PARD3B: variants seen among roughly 807,000 people sequenced by gnomAD.
PARD3B encodes par-3 family cell polarity regulator beta.
PARD3B carries 103 observed loss-of-function variants against 130.2 expected under a neutral mutation model. That is an observed-to-expected ratio of 0.79 (90% CI 0.67 to 0.93). PARD3B has a LOEUF of 0.93. PARD3B is among the 40% of genes least tolerant of loss of function. The probability of loss-of-function intolerance (pLI) is 0.00; values close to 1 mark genes in which losing one functional copy is unlikely to be tolerated. For synonymous variants in PARD3B, 583 were observed against 553.2 expected (o/e 1.05, Z -0.76); for missense variants, 1,609 against 1,499.2 (o/e 1.07, Z -1.21).
chr2:205,332,090 G>A (rs1559671094), intron 18 of PARD3B, among the ~76,000 whole-genome samples: 1 of 152,036 alleles, frequency 6.6e-6, no homozygotes, highest in Admixed American at 6.6e-5. Flanking sequence ...GGGTGACAGT[G>A]CCAGACTCGG....
chr2:205,047,443 A>G (rs1362948743), intron 3 of PARD3B, 138 bp from the exon 4 acceptor site: 3 of 565,100 alleles, frequency 5.3e-6, no homozygotes, highest in Non-Finnish European at 3.1e-6. Flanking sequence ...TAAATGGATT[A>G]ATTTACAAGC....
intron 2 of PARD3B, among the ~76,000 whole-genome samples, chr2:204,736,875 A>G (rs1226234735): frequency 1.3e-5 from 2 of 152,176 alleles, no homozygotes; most frequent in Non-Finnish European, 2.9e-5. Context: ...TAGAGGTTGT[A>G]CTAATTTACA....
Position 205,525,438 on chromosome 2 carries a change from T to A in PARD3B, c.3180+25407T>A, listed in dbSNP as rs1176712531. On this transcript the variant is annotated intron_variant, in intron 21 of 22. Coordinates refer to ENST00000406610, the MANE Select transcript of PARD3B (RefSeq NM_001302769.2). The surrounding 1 kb of genome is among the most constrained non-coding windows in gnomAD (Gnocchi z 4.2). ...GAAGATGTAAAAAATAATTACAATATAATGCTGGGTGTTATGTATGCACAG... is the reference window on the plus strand; with the variant it reads ...GAAGATGTAAAAAATAATTACAATAAAATGCTGGGTGTTATGTATGCACAG... Among the ~76,000 whole-genome samples, 2 of 152,194 alleles carry A rather than the reference T, an allele frequency of 1.3e-5. No homozygotes were observed. The highest frequency in any genetic ancestry group is 4.8e-5 in the African/African-American group (2 of 41,456).
chr2:205,432,224 C>A (rs1254506127), intron 19 of PARD3B, among the ~76,000 whole-genome samples: 2 of 152,210 alleles, frequency 1.3e-5, no homozygotes, highest in Middle Eastern at 3.2e-3. Context: ...CACCTTCCCT[C>A]ACCTGGCTTA....
chr2:205,126,793 A>G (rs2031480661), intron 10 of PARD3B, among the ~76,000 whole-genome samples: 1 of 148,070 alleles, frequency 6.8e-6, no homozygotes, highest in South Asian at 2.1e-4. Context: ...AAAAATTGAT[A>G]ATAGCATGAG....
chr2:205,363,707 CAGGCTGGAATGCAG>C (rs1406850023), intron 18 of PARD3B, among the ~76,000 whole-genome samples: 1 of 152,104 alleles, frequency 6.6e-6, no homozygotes, highest in Non-Finnish European at 1.5e-5. Flanking sequence ...CTCTGTTGCC[CAGGCTGGAATGCAG>C]TGGCACAATC....
intron 1 of PARD3B, among the ~76,000 whole-genome samples, chr2:204,645,648 A>G (rs974899811): frequency 2.0e-5 from 3 of 152,110 alleles, no homozygotes; most frequent in African/African-American, 7.2e-5. Context: ...ATAGTAGCCC[A>G]TTCTTGTATT....
At chr2:204,738,613 A>G (rs1346162080) in intron 2 of PARD3B, among the ~76,000 whole-genome samples, 2 of 152,142 alleles carry the variant, frequency 1.3e-5, no homozygotes, top group Non-Finnish European at 2.9e-5. Context: ...AAATCGTGGT[A>G]TCAGCCAGGC....
intron 1 of PARD3B, among the ~76,000 whole-genome samples, chr2:204,674,428 GTAT>G: frequency 6.7e-6 from 1 of 149,476 alleles, no homozygotes; most frequent in Non-Finnish European, 1.5e-5. Flanking sequence ...GTAGCAGGTA[GTAT>G]TATCCCCAAT....
At chr2:205,353,198 C>G (rs1440571159) in intron 18 of PARD3B, among the ~76,000 whole-genome samples, 1 of 152,220 alleles carries the variant, frequency 6.6e-6, no homozygotes, top group African/African-American at 2.4e-5. Flanking sequence ...GCACAGGAAA[C>G]AGTGCAAATA....
chr2:205,456,892 CAATTT>C, intron 20 of PARD3B, among the ~76,000 whole-genome samples: 1 of 148,730 alleles, frequency 6.7e-6, no homozygotes, highest in African/African-American at 2.5e-5. Flanking sequence ...ATTGAATAAT[CAATTT>C]AATATTGTAT....
At position 205,176,416 on chromosome 2, in the gene PARD3B, C is replaced by A; in HGVS notation, c.1792-29C>A. The A allele has an allele frequency of 6.4e-7, 1 of 1,574,380 alleles. No homozygotes were observed. Among genetic ancestry groups the A allele is most frequent in the Non-Finnish European group, 8.6e-7 (1 of 1,162,138 alleles). The stretch of plus-strand genomic sequence containing the variant: ...ACCAAGTTGGAACATATTAAAAATG[C>A]AAATGTAATTTTTACTTTTATCTCT... On this transcript the variant is annotated intron_variant, in intron 12 of 22. Transcript: ENST00000406610. This position sits in a 1 kb window ranked among gnomAD's most constrained non-coding sequence, Gnocchi z 5.3.
chr2:205,398,308 A>AAAAG (rs34799255), intron 18 of PARD3B, among the ~76,000 whole-genome samples: 40,110 of 151,776 alleles, frequency 0.26, 8,166 homozygotes, highest in African/African-American at 0.57. Flanking sequence ...TCTCAACAAA[A>AAAAG]AAAGAAAGAA....
intron 2 of PARD3B, among the ~76,000 whole-genome samples, chr2:204,725,158 T>C (rs1240137708): frequency 6.6e-6 from 1 of 152,248 alleles, no homozygotes; most frequent in East Asian, 1.9e-4. Flanking sequence ...GTTTGAATTA[T>C]GGTTATTTGA....
At chr2:204,872,264 GGATA>G (rs1168596935) in intron 2 of PARD3B, among the ~76,000 whole-genome samples, 1 of 151,700 alleles carries the variant, frequency 6.6e-6, no homozygotes, top group East Asian at 1.9e-4. Flanking sequence ...ATAGATACAT[GGATA>G]GATAGTTATA....
chr2:204,788,955 A>G (rs1409216957), intron 2 of PARD3B, among the ~76,000 whole-genome samples: 3 of 152,142 alleles, frequency 2.0e-5, no homozygotes, highest in Non-Finnish European at 4.4e-5. Flanking sequence ...AGATTTTTAG[A>G]ACTTTAGACG....
At chr2:205,182,361 G>C (rs574625516) in intron 13 of PARD3B, among the ~76,000 whole-genome samples, 1 of 149,086 alleles carries the variant, frequency 6.7e-6, no homozygotes, top group South Asian at 2.1e-4. Flanking sequence ...CAACAAACAA[G>C]GTACTTACCT....
chr2:205,514,243 G>T (rs1470559428), intron 21 of PARD3B, among the ~76,000 whole-genome samples: 1 of 152,012 alleles, frequency 6.6e-6, no homozygotes, highest in Non-Finnish European at 1.5e-5. Flanking sequence ...AAATGATTTT[G>T]CATAGGATAT....
At chr2:204,960,123 C>T (rs373169957) in intron 2 of PARD3B, among the ~76,000 whole-genome samples, 3 of 152,160 alleles carry the variant, frequency 2.0e-5, no homozygotes, top group African/African-American at 4.8e-5. Context: ...GAGCTTATGA[C>T]GTGCCTCTTC....
Sources: allele counts gnomAD v4.1 joint callset (sites outside exome capture counted in the v4.1 genomes callset), GRCh38; gene constraint gnomAD v4.1.1; non-coding constraint Gnocchi (gnomAD v3.1); transcripts MANE v1.5; gene names NCBI Gene and HGNC (gene_info 2026-07-23, HGNC 2026-07-21).